CNTN4: variants seen among roughly 807,000 people sequenced by gnomAD.
The protein encoded by CNTN4 is contactin-4.
CNTN4 carries 77 observed loss-of-function variants against 122.5 expected under a neutral mutation model. The observed-to-expected ratio is 0.63, with a 90% CI of 0.52 to 0.76. CNTN4 has a LOEUF of 0.76. Ranked by LOEUF, CNTN4 falls within the 30% of genes least tolerant of loss-of-function variation. The pLI, the probability that CNTN4 is intolerant of heterozygous loss-of-function variation, is 0.00. For missense variants in CNTN4, 1,256 were observed against 1,259.1 expected, an observed-to-expected ratio of 1.00 and a Z score of 0.04; for synonymous variants, 512 against 447.0, an observed-to-expected ratio of 1.15 and a Z score of -1.83.
chr3:2,652,556 C>G lies in CNTN4; in HGVS notation c.55+80998C>G, dbSNP rs370771116. On this transcript the variant is annotated intron_variant, in intron 4 of 24. Coordinates refer to ENST00000418658, the MANE Select transcript of CNTN4 (RefSeq NM_175607.3). ...GGTCTGTGAGGTAGATGGAATGTGA[C>G]AGGGAGAGAAGAGAGAAAAGACTTC... 2.0e-5 allele frequency among the ~76,000 whole-genome samples: 3 copies of G among 152,182 alleles called. No individual in the cohort carries two copies. The South Asian group carries it at 6.2e-4, about 32-fold the overall frequency.
intron 3 of CNTN4, among the ~76,000 whole-genome samples, chr3:2,495,949 C>T (rs1270991643): frequency 6.6e-6 from 1 of 152,166 alleles, no homozygotes; most frequent in Non-Finnish European, 1.5e-5. Context: ...GTCCACAGCA[C>T]CTGGCTGAAA....
intron 2 of CNTN4, among the ~76,000 whole-genome samples, chr3:2,125,088 C>G (rs1320731538): frequency 6.6e-6 from 1 of 151,678 alleles, no homozygotes; most frequent in African/African-American, 2.4e-5. Flanking sequence ...AATTTTATAC[C>G]CTTTGTACCC....
At chr3:2,183,276 A>C (rs887928465) in intron 2 of CNTN4, among the ~76,000 whole-genome samples, 1 of 152,164 alleles carries the variant, frequency 6.6e-6, no homozygotes, top group Admixed American at 6.5e-5. Flanking sequence ...CTTCACTGAG[A>C]TATCCAGTGG....
intron 6 of CNTN4, among the ~76,000 whole-genome samples, chr3:2,755,115 G>A (rs186003722): frequency 5.9e-5 from 9 of 152,144 alleles, no homozygotes; most frequent in Middle Eastern, 3.4e-3. Context: ...TTCTATTCAC[G>A]GTAATTTTCA....
At chr3:2,767,320 G>A (rs943734002) in intron 6 of CNTN4, among the ~76,000 whole-genome samples, 3 of 152,176 alleles carry the variant, frequency 2.0e-5, no homozygotes, top group African/African-American at 7.2e-5. Flanking sequence ...GTTATCAAGT[G>A]ATTGGTGTGA....
At chr3:2,416,062 A>G (rs974455077) in intron 3 of CNTN4, among the ~76,000 whole-genome samples, 4 of 152,208 alleles carry the variant, frequency 2.6e-5, no homozygotes, top group Non-Finnish European at 5.9e-5. Flanking sequence ...TTTAAGAGAC[A>G]TATAAGATAC....
At chr3:2,327,392 T>G (rs2043508260) in intron 2 of CNTN4, among the ~76,000 whole-genome samples, 1 of 152,180 alleles carries the variant, frequency 6.6e-6, no homozygotes, top group African/African-American at 2.4e-5. Flanking sequence ...AGTTTCCATC[T>G]CATTCCTCAT....
At chr3:2,210,866 A>T (rs2038585239) in intron 2 of CNTN4, among the ~76,000 whole-genome samples, 1 of 152,218 alleles carries the variant, frequency 6.6e-6, no homozygotes, top group African/African-American at 2.4e-5. Context: ...ATAAAATCAT[A>T]GAAGAAAAAC....
chr3:2,402,059 A>G (rs967810004), intron 3 of CNTN4, among the ~76,000 whole-genome samples: 6 of 152,124 alleles, frequency 3.9e-5, no homozygotes, highest in African/African-American at 9.7e-5. Context: ...CTCTGCTACA[A>G]CCATACTTGA....
chr3:2,352,246 C>T (rs2044656417), intron 3 of CNTN4, among the ~76,000 whole-genome samples: 1 of 152,166 alleles, frequency 6.6e-6, no homozygotes, highest in African/African-American at 2.4e-5. Flanking sequence ...GCTAGCAGCC[C>T]TCGCTCACTG....
chr3:2,189,176 T>C (rs944342859), intron 2 of CNTN4, among the ~76,000 whole-genome samples: 4 of 152,158 alleles, frequency 2.6e-5, no homozygotes, highest in African/African-American at 7.2e-5. Context: ...CTTATTGACA[T>C]CCAGGCTAAA....
chr3:2,613,850 A>G (rs1417861439), intron 4 of CNTN4, among the ~76,000 whole-genome samples: 1 of 152,122 alleles, frequency 6.6e-6, no homozygotes, highest in African/African-American at 2.4e-5. Context: ...GAAAATGAGC[A>G]TTGAGTTTCT....
intron 4 of CNTN4, among the ~76,000 whole-genome samples, chr3:2,600,893 C>G (rs1042071026): frequency 3.9e-5 from 6 of 152,172 alleles, no homozygotes; most frequent in African/African-American, 7.2e-5. Flanking sequence ...GATCCCCATT[C>G]TAACTGGTGT....
intron 4 of CNTN4, among the ~76,000 whole-genome samples, chr3:2,686,961 A>C (rs562693801): frequency 7.9e-5 from 12 of 152,280 alleles, no homozygotes; most frequent in African/African-American, 2.6e-4. Context: ...ATATGACCTG[A>C]GGTTTAGGAA....
rs372355141 is a variant in CNTN4 at position 2,181,099 on chromosome 3, C to T, written c.-145+80460C>T. 3.9e-4 allele frequency among the ~76,000 whole-genome samples: 59 copies of T among 151,960 alleles called. 1 individual carries two copies. The highest frequency in any genetic ancestry group is 1.3e-3 in the African/African-American group (53 of 41,400). On this transcript the variant is annotated intron_variant, in intron 2 of 24. Transcript: ENST00000418658. Reference sequence around the variant, plus strand: ...ATAAAATGTTTCTGCCTAAAGTGAACTTGCAAAATCATTAGTTTTATGACT... The same window carrying T: ...ATAAAATGTTTCTGCCTAAAGTGAATTTGCAAAATCATTAGTTTTATGACT...
intron 3 of CNTN4, among the ~76,000 whole-genome samples, chr3:2,472,394 T>C (rs1575707781): frequency 6.6e-6 from 1 of 152,016 alleles, no homozygotes; most frequent in Non-Finnish European, 1.5e-5. Context: ...CATGCATCAC[T>C]GCACCCAGCT....
intron 3 of CNTN4, among the ~76,000 whole-genome samples, chr3:2,431,990 TC>T (rs1184426209): frequency 6.6e-6 from 1 of 152,212 alleles, no homozygotes; most frequent in African/African-American, 2.4e-5. Flanking sequence ...CTTATTGAAT[TC>T]AACTAATCTG....
At chr3:3,038,592 C>T (rs1438802890) in intron 18 of CNTN4, among the ~76,000 whole-genome samples, 1 of 152,206 alleles carries the variant, frequency 6.6e-6, no homozygotes, top group Admixed American at 6.5e-5. Context: ...CCACGTGGCT[C>T]ATAAACGCAT....
intron 2 of CNTN4, among the ~76,000 whole-genome samples, chr3:2,270,792 C>T (rs1169624217): frequency 6.6e-6 from 1 of 152,106 alleles, no homozygotes; most frequent in African/African-American, 2.4e-5. Context: ...AGGGGCAGGC[C>T]ATGGCTTAGT....
Sources: gnomAD v4.1 joint callset for allele counts (sites outside exome capture counted in the v4.1 genomes callset) on GRCh38, gnomAD v4.1.1 for gene constraint, MANE v1.5 for transcripts, NCBI Gene and HGNC (gene_info 2026-07-23, HGNC 2026-07-21) for gene names.